The following MS4A10 variants were observed in gnomAD, a reference collection of about 807,000 sequenced individuals.
MS4A10 encodes membrane-spanning 4-domains subfamily A member 10.
In MS4A10, 27 loss-of-function variants were observed where a neutral mutation model predicts 27.7. That is an observed-to-expected ratio of 0.98 (90% CI 0.72 to 1.35). The LOEUF is 1.35. Among genes scored for constraint, MS4A10 ranks in the 40% most tolerant of loss-of-function variants. MS4A10 has a pLI of 0.00. For missense variants in MS4A10, 338 were observed against 324.7 expected (o/e 1.04, Z -0.32); for synonymous variants, 139 against 131.2 (o/e 1.06, Z -0.41).
intron 5 of MS4A10, among the ~76,000 whole-genome samples, chr11:60,794,669 T>C (rs1854493685): frequency 2.0e-5 from 3 of 152,142 alleles, no homozygotes; most frequent in South Asian, 2.1e-4. Flanking sequence ...GAATTCTTTT[T>C]TCTTTTTTTT....
intron 1 of MS4A10, among the ~76,000 whole-genome samples, chr11:60,786,175 ACACACACACACACG>A (rs1854332999): frequency 1.4e-5 from 2 of 142,442 alleles, no homozygotes; most frequent in South Asian, 4.4e-4. Flanking sequence ...ACACACATGC[ACACACACACACACG>A]CACACACACA....
In MS4A10 at chr11:60,799,939, G is replaced by C; in HGVS notation, c.*30G>C. On this transcript the variant is annotated 3_prime_UTR_variant, in exon 8 of 8. Transcript: ENST00000308287. Reference sequence around the variant, plus strand: ...CCACTGCCTGACAATGCCCAAACTTGGTTGGAGCATAGCCCCTGCTCTCCC... The same window carrying C: ...CCACTGCCTGACAATGCCCAAACTTCGTTGGAGCATAGCCCCTGCTCTCCC... 1 of 1,614,036 alleles carries C rather than the reference G, an allele frequency of 6.2e-7. No homozygotes were observed. The highest frequency in any genetic ancestry group is 8.5e-7 in the Non-Finnish European group (1 of 1,180,006).
intron 1 of MS4A10, among the ~76,000 whole-genome samples, chr11:60,788,939 T>A (rs1250653349): frequency 6.6e-6 from 1 of 152,170 alleles, no homozygotes; most frequent in African/African-American, 2.4e-5. Context: ...TCCTGAGTAT[T>A]AAGGGAGGTT....
chr11:60,793,913 G>A, intron 4 of MS4A10, 59 bp from the exon 5 acceptor site: 1 of 1,593,104 alleles, frequency 6.3e-7, no homozygotes. Context: ...CATGAGGGGA[G>A]GACCTAGCCC....
At chr11:60,797,572 T>C (rs1854551435) in intron 6 of MS4A10, among the ~76,000 whole-genome samples, 1 of 152,176 alleles carries the variant, frequency 6.6e-6, no homozygotes, top group Non-Finnish European at 1.5e-5. Context: ...CCAATAACCC[T>C]GTCTCCCTCT....
intron 3 of MS4A10, 103 bp downstream of exon 3, chr11:60,791,196 A>C: frequency 6.8e-7 from 1 of 1,475,966 alleles, no homozygotes; most frequent in Non-Finnish European, 9.1e-7. Flanking sequence ...GAGAGAGCTA[A>C]TAGGAGTGCG....
intron 2 of MS4A10, 40 bp from the exon 3 acceptor site, chr11:60,790,934 C>T (rs753111544): frequency 2.5e-6 from 4 of 1,610,736 alleles, no homozygotes; most frequent in Non-Finnish European, 3.4e-6. Flanking sequence ...GAGCCAGTGA[C>T]CGATGCCCTC....
intron 1 of MS4A10, among the ~76,000 whole-genome samples, chr11:60,789,775 A>G (rs1046537756): frequency 4.5e-4 from 68 of 152,204 alleles, no homozygotes; most frequent in African/African-American, 1.4e-3. Context: ...AAGTATTTGT[A>G]AATGTTAGCA....
At chr11:60,792,210 G>T in intron 3 of MS4A10, 55 bp from the exon 4 acceptor site, 1 of 1,414,554 alleles carries the variant, frequency 7.1e-7, no homozygotes, top group East Asian at 2.3e-5. Flanking sequence ...GTGGGAATTT[G>T]TGGGTTTTGA....
intron 2 of MS4A10, 113 bp from the exon 3 acceptor site, chr11:60,790,861 C>T: frequency 1.4e-6 from 2 of 1,429,494 alleles, no homozygotes; most frequent in Non-Finnish European, 1.9e-6. Context: ...TCTCTGGGAT[C>T]CCTAAGAGGA....
At chr11:60,796,677 C>T (rs1260013300) in intron 6 of MS4A10, among the ~76,000 whole-genome samples, 1 of 152,090 alleles carries the variant, frequency 6.6e-6, no homozygotes, top group Non-Finnish European at 1.5e-5. Context: ...GGCGAAGCAG[C>T]CAATTAGGAA....
At position 60,801,194 on chromosome 11, in the gene MS4A10, T is replaced by C. The variant is rs1447223221; in HGVS notation, c.*1285T>C. 6.6e-6 allele frequency: 1 copy of C among 152,256 alleles called. No individual in the cohort carries two copies. The highest frequency in any genetic ancestry group is 1.5e-5 in the Non-Finnish European group (1 of 68,052). The allele number at this position is 152,256 out of a possible 1,614,324, so 9.4% of individuals were successfully genotyped here. Reference sequence around the variant, plus strand: ...CTCTAGGCTAGCTCTGCCAATCACTTACTGTGCGGGTTTGACTCAGTCCCT... The same window carrying C: ...CTCTAGGCTAGCTCTGCCAATCACTCACTGTGCGGGTTTGACTCAGTCCCT... On this transcript the variant is annotated 3_prime_UTR_variant, in exon 8 of 8. Coordinates refer to ENST00000308287, the MANE Select transcript of MS4A10 (RefSeq NM_206893.4).
intron 6 of MS4A10, 51 bp from the exon 7 acceptor site, chr11:60,798,345 C>A: frequency 1.5e-6 from 2 of 1,367,150 alleles, no homozygotes; most frequent in Non-Finnish European, 2.1e-6. Flanking sequence ...TCGGAAGCAG[C>A]CAGTCGCTCC....
chr11:60,791,240 C>T, intron 3 of MS4A10, 147 bp downstream of exon 3: 3 of 1,071,094 alleles, frequency 2.8e-6, no homozygotes, highest in Non-Finnish European at 3.9e-6. Context: ...GTGTTCCTAG[C>T]TCTGCTTCTT....
At chr11:60,786,541 G>A (rs1854341532) in intron 1 of MS4A10, among the ~76,000 whole-genome samples, 1 of 151,992 alleles carries the variant, frequency 6.6e-6, no homozygotes, top group African/African-American at 2.4e-5. Flanking sequence ...CACCACTCCA[G>A]ATGATAGGGA....
intron 5 of MS4A10, among the ~76,000 whole-genome samples, 158 bp downstream of exon 5, chr11:60,794,261 G>A (rs1279703961): frequency 1.3e-5 from 2 of 152,204 alleles, no homozygotes; most frequent in Non-Finnish European, 2.9e-5. Context: ...ACAAGGTGTG[G>A]TGGAAAGGTG....
chr11:60,790,253 C>T, intron 1 of MS4A10, 61 bp from the exon 2 acceptor site: 4 of 1,411,498 alleles, frequency 2.8e-6, no homozygotes, highest in East Asian at 2.3e-5. Flanking sequence ...GGCAGAGGCT[C>T]ACCCAGGCAC....
chr11:60,798,894 G>A (rs1854579816), intron 7 of MS4A10, among the ~76,000 whole-genome samples: 1 of 152,188 alleles, frequency 6.6e-6, no homozygotes, highest in Non-Finnish European at 1.5e-5. Flanking sequence ...GATCAATGGT[G>A]GATGCACAGG....
Position 60,791,161 on chromosome 11 carries a change from T to C in MS4A10, c.303+68T>C. The C allele has an allele frequency of 2.5e-6, 4 of 1,594,238 alleles. No individual in the cohort carries two copies. In the South Asian group the frequency reaches 4.5e-5, roughly 18 times the overall value. On this transcript the variant is annotated intron_variant, in intron 3 of 7. Transcript: ENST00000308287. ...AGGCAGGCCTGGGAGGCCCTGGCATTTGGGACAGGATGCAGGGTGGGATAG... is the reference window on the plus strand; with the variant it reads ...AGGCAGGCCTGGGAGGCCCTGGCATCTGGGACAGGATGCAGGGTGGGATAG...
Sources: allele counts gnomAD v4.1 joint callset (sites outside exome capture counted in the v4.1 genomes callset), GRCh38; gene constraint gnomAD v4.1.1; transcripts MANE v1.5; gene names NCBI Gene and HGNC (gene_info 2026-07-23, HGNC 2026-07-21).